Variants in ZNF831 observed in about 807,000 individuals in gnomAD.
The protein encoded by ZNF831 is zinc finger protein 831, also known as chromosome 20 open reading frame 174.
ZNF831 carries 59 observed loss-of-function variants against 95.8 expected under a neutral mutation model. The observed-to-expected ratio is 0.62, with a 90% CI of 0.50 to 0.77. ZNF831 has a LOEUF of 0.77. Ranked by LOEUF, ZNF831 falls within the 30% of genes least tolerant of loss-of-function variation. The probability of loss-of-function intolerance (pLI) is 0.00; values close to 1 mark genes in which losing one functional copy is unlikely to be tolerated. For synonymous variants in ZNF831, 961 were observed against 925.5 expected, an observed-to-expected ratio of 1.04 and a Z score of -0.70; for missense variants, 2,205 against 2,164.0, an observed-to-expected ratio of 1.02 and a Z score of -0.38.
intron 4 of ZNF831, among the ~76,000 whole-genome samples, chr20:59,227,871 A>G: frequency 6.6e-6 from 1 of 152,190 alleles, no homozygotes; most frequent in African/African-American, 2.4e-5. Context: ...AAACATGCAT[A>G]GAGAAGTTAA....
chr20:59,180,945 G>A (rs1015122695), intron 1 of ZNF831, among the ~76,000 whole-genome samples: 9 of 152,132 alleles, frequency 5.9e-5, no homozygotes, highest in African/African-American at 1.4e-4. Context: ...TTGAGGAATC[G>A]CCACATTGTC....
At chr20:59,164,895 A>G (rs1275333981) in intron 1 of ZNF831, among the ~76,000 whole-genome samples, 1 of 152,202 alleles carries the variant, frequency 6.6e-6, no homozygotes, top group Non-Finnish European at 1.5e-5. Context: ...CAGAGATGTT[A>G]TCTACCAAAA....
intron 4 of ZNF831, among the ~76,000 whole-genome samples, chr20:59,221,350 A>G (rs1165458065): frequency 6.6e-6 from 1 of 152,144 alleles, no homozygotes; most frequent in Non-Finnish European, 1.5e-5. Context: ...CCAGGTTGAG[A>G]AAATGACGAA....
At position 59,191,608 on chromosome 20, in the gene ZNF831, C is replaced by T. The variant is rs1983535400; in HGVS notation, c.589C>T (p.Leu197Phe). 1 of 1,594,522 alleles carries T rather than the reference C, an allele frequency of 6.3e-7. No individual in the cohort carries two copies. The highest frequency in any genetic ancestry group is 1.3e-5 in the African/African-American group (1 of 74,560). ...LYKHRRTQTH[L>F]NNSRLSSESE... ...CAAGCACAGGCGGACGCAGACGCACCTCAACAACTCCCGGCTGTCCTCAGA... is the reference window on the plus strand; with the variant it reads ...CAAGCACAGGCGGACGCAGACGCACTTCAACAACTCCCGGCTGTCCTCAGA... Residue 197 changes from leucine (L) to phenylalanine (F), a missense_variant, in exon 2 of 6, where the codon CTC (leucine) becomes TTC (phenylalanine). Physicochemically the swap from Leu to Phe is conservative, Grantham distance 22. Transcript: ENST00000371030.
At chr20:59,216,581 G>A (rs896118982) in intron 4 of ZNF831, among the ~76,000 whole-genome samples, 122 of 152,302 alleles carry the variant, frequency 8.0e-4, no homozygotes, top group African/African-American at 2.8e-3. Flanking sequence ...CCTGTGCCAG[G>A]AGGAAGTGGT....
At chr20:59,195,374 C>G (rs980098995) in intron 2 of ZNF831, among the ~76,000 whole-genome samples, 2 of 152,160 alleles carry the variant, frequency 1.3e-5, no homozygotes, top group African/African-American at 2.4e-5. Flanking sequence ...TGGCTTGGGC[C>G]GCGGCCACTG....
rs537385952 is a variant in ZNF831 at position 59,234,425 on chromosome 20, TTAGA to T, written c.4028-18549_4028-18546del. Reference sequence around the variant, plus strand: ...TTTCATTTGCATTGGGCTCTGCCCGTTAGATAGTTTGTCCTGACAGTACAATACC... The same window carrying T: ...TTTCATTTGCATTGGGCTCTGCCCGTTAGTTTGTCCTGACAGTACAATACC... On this transcript the variant is annotated intron_variant, in intron 4 of 5. Coordinates refer to ENST00000371030, the MANE Select transcript of ZNF831 (RefSeq NM_178457.3). Among the ~76,000 whole-genome samples, 56 of 152,306 alleles carry T rather than the reference TTAGA, an allele frequency of 3.7e-4. 1 individual carries two copies. In the South Asian group the frequency reaches 0.011, roughly 30 times the overall value.
rs959081478 is a variant in ZNF831, at chr20:59,191,316, G to T, written c.297G>T (p.Gly99=). Residue 99 remains glycine, a synonymous_variant, in exon 2 of 6, where the codon GGG becomes GGT. Transcript: ENST00000371030. ...TCAGCCCTGTGCTGCAGCCTGAAGG[G>T]CCTGGCCCCACCCAGGTGGGGAAGC... The part of the protein sequence containing the change: ...FILSPVLQPE[G]PGPTQVGKPA... 1 of 1,598,172 alleles carries T rather than the reference G, an allele frequency of 6.3e-7. No individual in the cohort carries two copies.
intron 4 of ZNF831, among the ~76,000 whole-genome samples, chr20:59,230,641 G>A (rs762848761): frequency 1.3e-5 from 2 of 152,132 alleles, no homozygotes; most frequent in African/African-American, 4.8e-5. Context: ...GCTATAGTTT[G>A]CTGATGCCTG....
chr20:59,232,231 T>C (rs557009902), intron 4 of ZNF831, among the ~76,000 whole-genome samples: 1 of 151,634 alleles, frequency 6.6e-6, no homozygotes, highest in Non-Finnish European at 1.5e-5. Flanking sequence ...ACCTTCAAAA[T>C]TCATATTTAG....
intron 3 of ZNF831, among the ~76,000 whole-genome samples, chr20:59,204,457 G>T (rs956388277): frequency 3.3e-5 from 5 of 152,178 alleles, no homozygotes; most frequent in Admixed American, 2.6e-4. Context: ...CCAGAGCTTT[G>T]ACAGCAGTCC....
In ZNF831 at chr20:59,253,174, C is replaced by T. The variant is rs114371763; in HGVS notation, c.4188+36C>T. ...TGATTTTGAGCTGCCTCTACCTATT[C>T]CTGGTCTAGATGTATAGCCCTGCTT... On this transcript the variant is annotated intron_variant, in intron 5 of 5. Coordinates refer to ENST00000371030, the MANE Select transcript of ZNF831 (RefSeq NM_178457.3). 246 of 1,610,868 alleles carry T rather than the reference C, an allele frequency of 1.5e-4. No homozygotes were observed. The African/African-American group carries it at 2.6e-3, about 17-fold the overall frequency.
intron 4 of ZNF831, among the ~76,000 whole-genome samples, chr20:59,224,450 G>A (rs893436279): frequency 6.6e-6 from 1 of 152,126 alleles, no homozygotes; most frequent in African/African-American, 2.4e-5. Context: ...CCTCCTGATG[G>A]CTTACCCTGA....
At chr20:59,133,316 G>A (rs1315749234) in intron 1 of ZNF831, among the ~76,000 whole-genome samples, 4 of 145,570 alleles carry the variant, frequency 2.7e-5, no homozygotes, top group Admixed American at 6.9e-5. Context: ...CATGACGTCC[G>A]TAGGATCACT....
At chr20:59,194,838 T>A (rs1983969304) in intron 2 of ZNF831, 81 bp downstream of exon 2, 1 of 1,448,488 alleles carries the variant, frequency 6.9e-7, no homozygotes, top group South Asian at 1.5e-5. Flanking sequence ...GGGAAGGAAG[T>A]CTGAAGCCGT....
chr20:59,198,123 G>A (rs544246583), intron 3 of ZNF831, among the ~76,000 whole-genome samples: 22 of 152,244 alleles, frequency 1.4e-4, no homozygotes, highest in Non-Finnish European at 2.2e-4. Flanking sequence ...AGGTGGCCGA[G>A]GAAACTTTCT....
At position 59,186,757 on chromosome 20, in the gene ZNF831, C is replaced by T. The variant is rs1319326789; in HGVS notation, c.-36-4227C>T. ...TAAAGATTCCTGCCTTTACATCTTT[C>T]CTTAAACAATTAGAACGTCTCAGAT... On this transcript the variant is annotated intron_variant, in intron 1 of 5. Coordinates refer to ENST00000371030, the MANE Select transcript of ZNF831 (RefSeq NM_178457.3). Among the ~76,000 whole-genome samples, 3 of 152,168 alleles carry T rather than the reference C, an allele frequency of 2.0e-5. No individual in the cohort carries two copies. In the East Asian group the frequency reaches 5.8e-4, roughly 29 times the overall value.
intron 1 of ZNF831, among the ~76,000 whole-genome samples, chr20:59,134,415 A>G (rs1979442378): frequency 6.6e-6 from 1 of 152,214 alleles, no homozygotes; most frequent in Admixed American, 6.5e-5. Flanking sequence ...TTGATTGCTG[A>G]ATAAATGAGG....
chr20:59,192,050 C>G lies in ZNF831; in HGVS notation c.1031C>G (p.Ser344Trp). The G allele has an allele frequency of 6.2e-7, 1 of 1,608,294 alleles. No homozygotes were observed. The highest frequency in any genetic ancestry group is 8.5e-7 in the Non-Finnish European group (1 of 1,179,176). The change falls in exon 2 of 6, where the codon TCG becomes TGG. Residue 344 changes from serine (S) to tryptophan (W), a missense_variant. Physicochemically the swap from Ser to Trp is radical, Grantham distance 177. Coordinates refer to ENST00000371030, the MANE Select transcript of ZNF831 (RefSeq NM_178457.3). This position sits in a 1 kb window ranked among gnomAD's most constrained non-coding sequence, Gnocchi z 5.2. ...CTGCGGAAGTGTGAGAGCACCGACT[C>G]GGGGTACCTGTCGCGCTCCGACAGC... ...GRLRKCESTDSGYLSRSDSAE... is the reference protein window; with the variant it reads ...GRLRKCESTDWGYLSRSDSAE...
Sources: allele counts gnomAD v4.1 joint callset (sites outside exome capture counted in the v4.1 genomes callset), GRCh38; gene constraint gnomAD v4.1.1; non-coding constraint Gnocchi (gnomAD v3.1); transcripts MANE v1.5; gene names NCBI Gene and HGNC (gene_info 2026-07-23, HGNC 2026-07-21).